CEP57L1: variants seen among roughly 807,000 people sequenced by gnomAD.
CEP57L1 encodes the protein centrosomal protein 57 like 1, also known as centrosomal protein CEP57L1.
A neutral mutation model predicts 61.0 loss-of-function variants in CEP57L1; 37 were observed. That is an observed-to-expected ratio of 0.61 (90% CI 0.47 to 0.80). The LOEUF is 0.80. Among genes scored for constraint, CEP57L1 ranks in the 30% least tolerant of loss-of-function variants. The pLI is 0.00. For missense variants in CEP57L1, 422 were observed against 524.7 expected (o/e 0.80, Z 1.91); for synonymous variants, 137 against 162.3 (o/e 0.84, Z 1.19).
intron 6 of CEP57L1, 34 bp downstream of exon 6, chr6:109,155,341 A>G: frequency 9.0e-7 from 1 of 1,111,690 alleles, no homozygotes; most frequent in Non-Finnish European, 1.3e-6. Flanking sequence ...ATCACAGTAA[A>G]CCATATATGT....
At chr6:109,158,584 GT>G in intron 7 of CEP57L1, 1 of 454,914 alleles carries the variant, frequency 2.2e-6, no homozygotes, top group Non-Finnish European at 4.4e-6. Flanking sequence ...GTGAACATAA[GT>G]TTTCATTTTT....
intron 1 of CEP57L1, among the ~76,000 whole-genome samples, chr6:109,118,202 A>T (rs1032949391): frequency 6.6e-6 from 1 of 152,152 alleles, no homozygotes; most frequent in Non-Finnish European, 1.5e-5. Flanking sequence ...ACTCCAGCTA[A>T]TTTTTTGTAT....
intron 10 of CEP57L1, among the ~76,000 whole-genome samples, chr6:109,162,515 A>G (rs1003464836): frequency 3.9e-5 from 6 of 152,160 alleles, no homozygotes; most frequent in Admixed American, 3.3e-4. Flanking sequence ...TTTTTTCACT[A>G]ATAGGAGCAG....
At chr6:109,144,254 G>A (rs1771727538) in intron 1 of CEP57L1, among the ~76,000 whole-genome samples, 1 of 152,106 alleles carries the variant, frequency 6.6e-6, no homozygotes, top group Admixed American at 6.6e-5. Context: ...CCTGGGAAGT[G>A]CCTGCCTTTG....
At chr6:109,153,041 AC>A (rs942481706) in intron 4 of CEP57L1, among the ~76,000 whole-genome samples, 4 of 151,408 alleles carry the variant, frequency 2.6e-5, no homozygotes, top group African/African-American at 9.7e-5. Flanking sequence ...AACCCAGGAG[AC>A]AAAGGTTGCA....
chr6:109,114,634 A>G (rs1772067380), intron 1 of CEP57L1, among the ~76,000 whole-genome samples: 1 of 152,186 alleles, frequency 6.6e-6, no homozygotes, highest in African/African-American at 2.4e-5. Context: ...AGAAAAGTCA[A>G]AATCATAGAA....
At chr6:109,099,851 G>T (rs535045044) in intron 1 of CEP57L1, among the ~76,000 whole-genome samples, 2 of 152,128 alleles carry the variant, frequency 1.3e-5, no homozygotes, top group Admixed American at 1.3e-4. Flanking sequence ...CCCAACAATG[G>T]GTACTTTTAT....
intron 1 of CEP57L1, among the ~76,000 whole-genome samples, chr6:109,127,463 A>C (rs1773686999): frequency 6.6e-6 from 1 of 152,136 alleles, no homozygotes; most frequent in South Asian, 2.1e-4. Context: ...ATTAGAAAAT[A>C]GTAAATACTT....
intron 1 of CEP57L1, among the ~76,000 whole-genome samples, chr6:109,128,982 T>A (rs991387410): frequency 6.6e-6 from 1 of 152,148 alleles, no homozygotes; most frequent in Non-Finnish European, 1.5e-5. Context: ...GTGGATCACC[T>A]GAGGTCAGGA....
chr6:109,132,229 C>T (rs953731707), intron 1 of CEP57L1, among the ~76,000 whole-genome samples: 1 of 152,056 alleles, frequency 6.6e-6, no homozygotes, highest in Non-Finnish European at 1.5e-5. Context: ...ACATTGACTT[C>T]AAAGAATTCC....
At chr6:109,125,697 T>C (rs1480599824) in intron 1 of CEP57L1, among the ~76,000 whole-genome samples, 1 of 149,142 alleles carries the variant, frequency 6.7e-6, no homozygotes, top group African/African-American at 2.4e-5. Context: ...GGTGAGAACC[T>C]GTCTTGACTG....
chr6:109,095,745 G>A (rs1006199341), intron 1 of CEP57L1, among the ~76,000 whole-genome samples, 170 bp downstream of exon 1: 2 of 152,130 alleles, frequency 1.3e-5, no homozygotes, highest in African/African-American at 2.4e-5. Context: ...CGCGGGGTGT[G>A]GTGGGTGAGG....
Position 109,155,856 on chromosome 6 carries a change from G to A in CEP57L1, c.723G>A (p.Lys241=). 6.3e-7 allele frequency: 1 copy of A among 1,579,808 alleles called. No individual in the cohort carries two copies. The highest frequency in any genetic ancestry group is 8.7e-7 in the Non-Finnish European group (1 of 1,155,546). The change falls in exon 7 of 11, where the codon AAG becomes AAA. Residue 241 remains lysine, a synonymous_variant. Coordinates refer to ENST00000517392, the MANE Select transcript of CEP57L1 (RefSeq NM_001271852.3). ...MSSVSNLKHS[K]EKKKSSKKTK... is the part of the protein sequence containing the mutation. ...CAGTTTCAAATCTAAAGCACTCCAAGGAAAAGAAGAAATCTTCAAAGGTGT... is the reference window on the plus strand; with the variant it reads ...CAGTTTCAAATCTAAAGCACTCCAAAGAAAAGAAGAAATCTTCAAAGGTGT...
chr6:109,139,483 C>CT (rs1378077518), intron 1 of CEP57L1, among the ~76,000 whole-genome samples: 2,176 of 145,242 alleles, frequency 0.015, 25 homozygotes, highest in Non-Finnish European at 0.021. Context: ...TTTCTTTTTT[C>CT]TTTTTTTTTT....
chr6:109,133,431 T>A (rs1442129748), intron 1 of CEP57L1, among the ~76,000 whole-genome samples: 1 of 152,166 alleles, frequency 6.6e-6, no homozygotes, highest in East Asian at 1.9e-4. Context: ...GAGGTAATGC[T>A]CGCTGACCTT....
chr6:109,126,608 A>G (rs913425349), intron 1 of CEP57L1, among the ~76,000 whole-genome samples: 2 of 152,162 alleles, frequency 1.3e-5, no homozygotes, highest in Non-Finnish European at 2.9e-5. Flanking sequence ...AAATCTTGGT[A>G]AAGATGATGG....
At chr6:109,143,604 C>T (rs761115411) in intron 1 of CEP57L1, among the ~76,000 whole-genome samples, 2 of 152,000 alleles carry the variant, frequency 1.3e-5, no homozygotes, top group African/African-American at 2.4e-5. Flanking sequence ...AAACTGTAGT[C>T]TACTTTTTAA....
chr6:109,097,439 A>G (rs1035133873), intron 1 of CEP57L1, among the ~76,000 whole-genome samples: 2 of 152,200 alleles, frequency 1.3e-5, no homozygotes, highest in Admixed American at 6.5e-5. Context: ...GCCTGACATC[A>G]TCTGGTACTC....
chr6:109,134,722 A>G (rs894382487), intron 1 of CEP57L1, among the ~76,000 whole-genome samples: 1 of 152,236 alleles, frequency 6.6e-6, no homozygotes, highest in African/African-American at 2.4e-5. Context: ...AAGTCTCAGG[A>G]TACAAAATCA....
Sources: allele counts gnomAD v4.1 joint callset (sites outside exome capture counted in the v4.1 genomes callset), GRCh38; gene constraint gnomAD v4.1.1; transcripts MANE v1.5; gene names NCBI Gene and HGNC (gene_info 2026-07-23, HGNC 2026-07-21).